The following KAZN variants were observed in gnomAD, a reference collection of about 807,000 sequenced individuals.
KAZN encodes the protein kazrin, periplakin interacting protein, also known as kazrin.
KAZN carries 40 observed loss-of-function variants against 87.4 expected under a neutral mutation model. The observed-to-expected ratio is 0.46, with a 90% CI of 0.36 to 0.60. KAZN has a LOEUF of 0.60. Ranked by LOEUF, KAZN falls within the 20% of genes least tolerant of loss-of-function variation. KAZN has a pLI of 0.00. For missense variants in KAZN, 898 were observed against 1,073.9 expected, an observed-to-expected ratio of 0.84 and a Z score of 2.29; for synonymous variants, 466 against 458.3, an observed-to-expected ratio of 1.02 and a Z score of -0.22.
intron 2 of KAZN, among the ~76,000 whole-genome samples, chr1:14,589,929 G>A (rs1188839890): frequency 6.6e-6 from 1 of 152,050 alleles, no homozygotes; most frequent in East Asian, 1.9e-4. Context: ...AAAAGAATGG[G>A]GGCCTGAGTA....
At chr1:14,356,378 C>T (rs1393032779) in intron 2 of KAZN, among the ~76,000 whole-genome samples, 1 of 152,116 alleles carries the variant, frequency 6.6e-6, no homozygotes, top group Admixed American at 6.5e-5. Flanking sequence ...TGTAGGCTGC[C>T]TGTTCACTCT....
rs1442824114 is a variant in KAZN at position 15,027,067 on chromosome 1, C to CTTT, written c.419-7680_419-7679insTTT. 3.6e-3 allele frequency among the ~76,000 whole-genome samples: 223 copies of CTTT among 62,200 alleles called. 12 individuals are homozygous for CTTT. Among genetic ancestry groups the CTTT allele is most frequent in the African/African-American group, 0.011 (213 of 18,768 alleles). The allele number at this position is 62,200 out of a possible 152,430, so 40.8% of individuals were successfully genotyped here. ...ACTTAGGCAGATTCCCAAGCCAGTG[C>CTTT]TTCTTTTTTTTTTTTTTTTTTTTTT... On this transcript the variant is annotated intron_variant, in intron 2 of 14. Transcript: ENST00000376030.
intron 2 of KAZN, among the ~76,000 whole-genome samples, chr1:14,987,124 G>T (rs1666900301): frequency 6.6e-6 from 1 of 152,116 alleles, no homozygotes; most frequent in South Asian, 2.1e-4. Context: ...AGATGAGATG[G>T]TAATACATAC....
chr1:14,747,054 A>C (rs1387585907), intron 1 of KAZN, among the ~76,000 whole-genome samples: 1 of 152,090 alleles, frequency 6.6e-6, no homozygotes, highest in Non-Finnish European at 1.5e-5. Context: ...GAGCTTGCCT[A>C]TTCTAAGTAC....
At chr1:14,405,842 A>G (rs1663806422) in intron 2 of KAZN, among the ~76,000 whole-genome samples, 1 of 151,458 alleles carries the variant, frequency 6.6e-6, no homozygotes, top group African/African-American at 2.4e-5. Context: ...GTCAGGCAGG[A>G]GGCATTTTTT....
At chr1:14,306,688 G>T (rs988936672) in intron 2 of KAZN, among the ~76,000 whole-genome samples, 1 of 152,152 alleles carries the variant, frequency 6.6e-6, no homozygotes, top group African/African-American at 2.4e-5. Flanking sequence ...AGCCCAGGGT[G>T]TTCAGAATAA....
At chr1:14,406,638 T>TA (rs928767915) in intron 2 of KAZN, among the ~76,000 whole-genome samples, 1 of 152,120 alleles carries the variant, frequency 6.6e-6, no homozygotes, top group African/African-American at 2.4e-5. Flanking sequence ...AAATCACCAC[T>TA]AAAAAACGTA....
chr1:14,513,638 C>G (rs1671036855), intron 2 of KAZN, among the ~76,000 whole-genome samples: 1 of 152,066 alleles, frequency 6.6e-6, no homozygotes, highest in Non-Finnish European at 1.5e-5. Flanking sequence ...AAAACATGCC[C>G]TAAATGCCGG....
chr1:14,185,506 G>A (rs1646285018), intron 2 of KAZN, among the ~76,000 whole-genome samples: 1 of 152,128 alleles, frequency 6.6e-6, no homozygotes, highest in Admixed American at 6.5e-5. Flanking sequence ...CCTTTCCTGC[G>A]AGTTTGCAAA....
In KAZN at chr1:14,180,318, C is replaced by T. The variant is rs12063799; in HGVS notation, c.92-117C>T. 5.8e-3 allele frequency: 4,615 copies of T among 797,236 alleles called. 139 individuals carry two copies. In the African/African-American group the frequency reaches 0.069, roughly 12 times the overall value. The allele number at this position is 797,236 out of a possible 1,614,324, so 49.4% of individuals were successfully genotyped here. On this transcript the variant is annotated intron_variant, in intron 1 of 16. Coordinates refer to the KAZN transcript ENST00000636203. Reference sequence around the variant, plus strand: ...TTATAGATGTGTCAAGTTCTTGATACATGCCTGGCTTAGACCTTGTATGTA... The same window carrying T: ...TTATAGATGTGTCAAGTTCTTGATATATGCCTGGCTTAGACCTTGTATGTA...
intron 1 of KAZN, among the ~76,000 whole-genome samples, chr1:14,685,558 G>A (rs947220956): frequency 1.3e-5 from 2 of 152,240 alleles, no homozygotes; most frequent in Non-Finnish European, 2.9e-5. Context: ...ATTCGGCTCA[G>A]CACCTGCCTG....
At chr1:14,433,219 C>T (rs1231918069) in intron 2 of KAZN, among the ~76,000 whole-genome samples, 1 of 152,180 alleles carries the variant, frequency 6.6e-6, no homozygotes, top group Non-Finnish European at 1.5e-5. Context: ...TTCCCTCTTC[C>T]CAGAAAGTTC....
chr1:14,183,769 A>T, intron 2 of KAZN, among the ~76,000 whole-genome samples: 1 of 152,092 alleles, frequency 6.6e-6, no homozygotes, highest in East Asian at 1.9e-4. Context: ...AAAAATAATA[A>T]GATTGCTTTG....
At chr1:14,139,188 A>AGG (rs1645178387) in intron 1 of KAZN, among the ~76,000 whole-genome samples, 1 of 152,108 alleles carries the variant, frequency 6.6e-6, no homozygotes, top group African/African-American at 2.4e-5. Flanking sequence ...TGTCCTGGAC[A>AGG]GTGGCCACTC....
intron 13 of KAZN, among the ~76,000 whole-genome samples, chr1:15,109,373 G>GA (rs1016393735): frequency 1.6e-4 from 24 of 151,844 alleles, no homozygotes; most frequent in Middle Eastern, 3.4e-3. Flanking sequence ...TCGCTCAGAG[G>GA]AAAAAAAAGA....
At chr1:14,691,928 C>CT (rs34159268) in intron 1 of KAZN, among the ~76,000 whole-genome samples, 5,393 of 144,426 alleles carry the variant, frequency 0.037, 274 homozygotes, top group African/African-American at 0.11. Context: ...CAATTTCTTC[C>CT]TTTTTTTTTT....
At position 14,988,330 on chromosome 1, in the gene KAZN, C is replaced by T. The variant is rs117138083; in HGVS notation, c.418+27455C>T. Among the ~76,000 whole-genome samples, 80 of 152,334 alleles carry T rather than the reference C, an allele frequency of 5.3e-4. No individual in the cohort carries two copies. In the East Asian group the frequency reaches 8.1e-3, roughly 15 times the overall value. ...CGCCCCTCCCCTGCGGGCAGCTGGC[C>T]GCATTCTCAGGCAGACACGGAGCCC... On this transcript the variant is annotated intron_variant, in intron 2 of 14. Coordinates refer to ENST00000376030, the MANE Select transcript of KAZN (RefSeq NM_201628.3).
At chr1:13,897,054 G>A (rs984543883) in intron 1 of KAZN, among the ~76,000 whole-genome samples, 15 of 152,114 alleles carry the variant, frequency 9.9e-5, no homozygotes, top group African/African-American at 3.6e-4. Flanking sequence ...TGCTGGCTGT[G>A]TGAGCTTCAA....
At chr1:14,488,632 T>C (rs1179070586) in intron 2 of KAZN, among the ~76,000 whole-genome samples, 2 of 152,194 alleles carry the variant, frequency 1.3e-5, no homozygotes, top group Non-Finnish European at 2.9e-5. Context: ...GCGTCTTCAA[T>C]CACAGGCTGC....
Sources: gnomAD v4.1 joint callset for allele counts (sites outside exome capture counted in the v4.1 genomes callset) on GRCh38, gnomAD v4.1.1 for gene constraint, MANE v1.5 for transcripts, NCBI Gene and HGNC (gene_info 2026-07-23, HGNC 2026-07-21) for gene names.